Variants in ZC3H11A observed in about 807,000 individuals in gnomAD.
ZC3H11A encodes the protein zinc finger CCCH domain-containing protein 11A.
Under a neutral mutation model 90.8 loss-of-function variants are expected in ZC3H11A, and 22 were observed. The ratio of observed to expected loss-of-function variants is 0.24; its 90% confidence interval spans 0.17 to 0.35. The LOEUF (loss-of-function observed/expected upper bound fraction) is 0.35, where lower values mean the gene tolerates loss of function less well. Ranked by LOEUF, ZC3H11A falls within the 10% of genes least tolerant of loss-of-function variation. The pLI is 1.00. For missense variants in ZC3H11A, 701 were observed against 964.9 expected, an observed-to-expected ratio of 0.73 and a Z score of 3.62; for synonymous variants, 294 against 339.8, an observed-to-expected ratio of 0.87 and a Z score of 1.48.
chr1:203,819,087 T>TACACACAC (rs202070174), intron 4 of ZC3H11A, among the ~76,000 whole-genome samples: 26 of 41,462 alleles, frequency 6.3e-4, no homozygotes, highest in East Asian at 5.3e-3. Flanking sequence ...AATATATATA[T>TACACACAC]ATACACACAC....
intron 10 of ZC3H11A, among the ~76,000 whole-genome samples, chr1:203,834,683 T>C (rs1194230283): frequency 1.3e-5 from 2 of 152,106 alleles, no homozygotes; most frequent in Non-Finnish European, 2.9e-5. Context: ...AGAGTCTTGC[T>C]CTGTCGCCCA....
intron 1 of ZC3H11A, chr1:203,798,219 G>A: frequency 6.5e-7 from 1 of 1,536,142 alleles, no homozygotes; most frequent in South Asian, 1.2e-5. Context: ...CAAGAAGCAT[G>A]ATAAATCAGC....
intron 11 of ZC3H11A, among the ~76,000 whole-genome samples, chr1:203,839,385 G>A (rs1258096863): frequency 6.6e-6 from 1 of 152,188 alleles, no homozygotes; most frequent in Non-Finnish European, 1.5e-5. Flanking sequence ...AAAAAGCCAA[G>A]GTTAGATTTA....
At chr1:203,840,228 C>A in intron 11 of ZC3H11A, 78 bp from the exon 12 acceptor site, 1 of 1,422,612 alleles carries the variant, frequency 7.0e-7, no homozygotes, top group Non-Finnish European at 9.9e-7. Flanking sequence ...TGTATGCCAC[C>A]ATGCCCAGCA....
At chr1:203,812,351 C>T (rs1674767912) in intron 2 of ZC3H11A, among the ~76,000 whole-genome samples, 1 of 152,120 alleles carries the variant, frequency 6.6e-6, no homozygotes, top group Non-Finnish European at 1.5e-5. Flanking sequence ...ATTTAGCTCC[C>T]ACTTATAAGT....
chr1:203,800,246 C>T, intron 1 of ZC3H11A: 1 of 1,197,386 alleles, frequency 8.4e-7, no homozygotes, highest in South Asian at 1.3e-5. Flanking sequence ...ATCTAAGTTG[C>T]CCCATGTGTA....
chr1:203,801,532 ATAAC>A (rs1670556569), intron 1 of ZC3H11A, 39 bp from the exon 2 acceptor site: 1 of 152,614 alleles, frequency 6.6e-6, no homozygotes, highest in African/African-American at 2.4e-5. Flanking sequence ...TTCAGACTGA[ATAAC>A]TAATGTGAGA....
At chr1:203,828,540 C>T (rs774779915) in intron 5 of ZC3H11A, 118 bp downstream of exon 5, 4 of 1,267,570 alleles carry the variant, frequency 3.2e-6, no homozygotes, top group Non-Finnish European at 3.3e-6. Context: ...GAATTATTTC[C>T]ACTTTACAGA....
chr1:203,822,581 A>C (rs2365979), intron 4 of ZC3H11A, among the ~76,000 whole-genome samples: 149,164 of 152,108 alleles, frequency 0.98, 73,209 homozygotes, highest in East Asian at 1. Flanking sequence ...CTGCCTTCCT[A>C]ACCCCACTTG....
chr1:203,845,314 T>C (rs576017596), intron 12 of ZC3H11A, among the ~76,000 whole-genome samples: 1 of 152,328 alleles, frequency 6.6e-6, no homozygotes, highest in Admixed American at 6.5e-5. Flanking sequence ...ACCATTCATG[T>C]TGTACTTTCT....
chr1:203,826,363 AAAT>A lies in ZC3H11A; in HGVS notation c.175-1934_175-1932del, dbSNP rs1297633858. Among the ~76,000 whole-genome samples, 12 of 149,628 alleles carry A rather than the reference AAAT, an allele frequency of 8.0e-5. No individual in the cohort carries two copies. In the South Asian group the frequency reaches 1.5e-3, roughly 18 times the overall value. ...ATCAATAATATTAAAATTAATAAAT[AAAT>A]ATTGATTAATAATAATTAATTCTTT... On this transcript the variant is annotated intron_variant, in intron 4 of 17. Transcript: ENST00000367210.
At chr1:203,805,672 GT>G in intron 2 of ZC3H11A, 5 of 696,352 alleles carry the variant, frequency 7.2e-6, no homozygotes, top group Non-Finnish European at 1.3e-5. Context: ...CTCCATCCTT[GT>G]TTTTGTGACA....
chr1:203,840,523 G>T, intron 12 of ZC3H11A, 149 bp downstream of exon 12: 1 of 675,472 alleles, frequency 1.5e-6, no homozygotes. Flanking sequence ...GATCAAGTCA[G>T]CTCAGACTCA....
At chr1:203,827,592 G>C (rs1376653268) in intron 4 of ZC3H11A, among the ~76,000 whole-genome samples, 2 of 151,800 alleles carry the variant, frequency 1.3e-5, no homozygotes, top group Non-Finnish European at 2.9e-5. Flanking sequence ...TGAGGCAGGA[G>C]AATGGCGTGA....
At chr1:203,841,351 A>T (rs996848865) in intron 12 of ZC3H11A, among the ~76,000 whole-genome samples, 3 of 152,238 alleles carry the variant, frequency 2.0e-5, no homozygotes, top group South Asian at 2.1e-4. Flanking sequence ...GGGAGTGGTG[A>T]TGACTCTTAA....
At chr1:203,808,793 C>T (rs534669523) in intron 2 of ZC3H11A, among the ~76,000 whole-genome samples, 123 of 152,110 alleles carry the variant, frequency 8.1e-4, no homozygotes, top group African/African-American at 2.9e-3. Context: ...TCGTCATCGC[C>T]ATCTTCTTCT....
chr1:203,810,225 C>G (rs917701631), intron 2 of ZC3H11A, among the ~76,000 whole-genome samples: 1 of 151,680 alleles, frequency 6.6e-6, no homozygotes, highest in South Asian at 2.1e-4. Context: ...ATCCTCTTGC[C>G]TTGGTCTCTC....
At chr1:203,805,116 A>G (rs993841805) in intron 2 of ZC3H11A, among the ~76,000 whole-genome samples, 2 of 151,638 alleles carry the variant, frequency 1.3e-5, no homozygotes, top group Non-Finnish European at 2.9e-5. Flanking sequence ...CCACAGAATC[A>G]AAATACCCAC....
At chr1:203,833,072 A>G (rs1016055848) in intron 9 of ZC3H11A, among the ~76,000 whole-genome samples, 5 of 152,232 alleles carry the variant, frequency 3.3e-5, no homozygotes, top group Non-Finnish European at 5.9e-5. Context: ...TGTCTCTACT[A>G]AAAATACAAA....
Sources: allele counts gnomAD v4.1 joint callset (sites outside exome capture counted in the v4.1 genomes callset), GRCh38; gene constraint gnomAD v4.1.1; transcripts MANE v1.5; gene names NCBI Gene and HGNC (gene_info 2026-07-23, HGNC 2026-07-21).